Variants in COL19A1 observed in about 807,000 individuals in gnomAD.
COL19A1 encodes collagen alpha-1(XIX) chain.
Under a neutral mutation model 190.2 loss-of-function variants are expected in COL19A1, and 159 were observed. That is an observed-to-expected ratio of 0.84 (90% CI 0.73 to 0.95). The LOEUF (loss-of-function observed/expected upper bound fraction) is 0.95, where lower values mean the gene tolerates loss of function less well. Ranked by LOEUF, COL19A1 falls within the 40% of genes least tolerant of loss-of-function variation. COL19A1 has a pLI of 0.00. For synonymous variants in COL19A1, 509 were observed against 458.9 expected (o/e 1.11, Z -1.39); for missense variants, 1,418 against 1,431.9 (o/e 0.99, Z 0.16).
At chr6:70,091,916 G>A (rs1782952617) in intron 15 of COL19A1, among the ~76,000 whole-genome samples, 1 of 152,128 alleles carries the variant, frequency 6.6e-6, no homozygotes. Context: ...AGCTTCAGGT[G>A]ACATTGGATG....
At chr6:69,900,198 C>T in intron 3 of COL19A1, 41 bp from the exon 4 acceptor site, 1 of 1,267,400 alleles carries the variant, frequency 7.9e-7, no homozygotes, top group East Asian at 2.5e-5. Flanking sequence ...ATTAACATTT[C>T]TATTAGTTTA....
At chr6:69,882,185 C>T (rs1031142043) in intron 2 of COL19A1, among the ~76,000 whole-genome samples, 1 of 152,074 alleles carries the variant, frequency 6.6e-6, no homozygotes, top group African/African-American at 2.4e-5. Flanking sequence ...TAAATAGTTA[C>T]CTGGAATTGT....
chr6:70,115,701 C>G (rs1246771409), intron 16 of COL19A1, among the ~76,000 whole-genome samples: 1 of 151,806 alleles, frequency 6.6e-6, no homozygotes, highest in Non-Finnish European at 1.5e-5. Context: ...CTTGAGGTCT[C>G]TATATTGAAA....
intron 39 of COL19A1, 109 bp downstream of exon 39, chr6:70,168,324 C>A: frequency 9.3e-7 from 1 of 1,070,376 alleles, no homozygotes; most frequent in Non-Finnish European, 1.4e-6. Context: ...ATGAATACAG[C>A]CAAATTTTAC....
intron 19 of COL19A1, among the ~76,000 whole-genome samples, chr6:70,139,539 G>A (rs548617919): frequency 8.6e-5 from 13 of 151,942 alleles, no homozygotes; most frequent in Admixed American, 5.2e-4. Flanking sequence ...TTAAAACAAC[G>A]CAAATTTTAC....
Position 70,212,053 on chromosome 6 carries a change from G to A in COL19A1, c.*4779G>A, listed in dbSNP as rs1768237349. ...AAATGAGGGGGTAAATAAGATTTAA[G>A]TTTATCAGAAGTGTGTGTATTGTGT... On this transcript the variant is annotated 3_prime_UTR_variant, in exon 51 of 51. Coordinates refer to ENST00000620364, the MANE Select transcript of COL19A1 (RefSeq NM_001858.6). Among the ~76,000 whole-genome samples the A allele has an allele frequency of 6.6e-6, 1 of 152,106 alleles. No individual in the cohort carries two copies. The highest frequency in any genetic ancestry group is 2.4e-5 in the African/African-American group (1 of 41,442).
rs149617748 is a variant in COL19A1 at position 69,896,098 on chromosome 6, T to A, written c.92-2850T>A. On this transcript the variant is annotated intron_variant, in intron 2 of 50. Coordinates refer to ENST00000620364, the MANE Select transcript of COL19A1 (RefSeq NM_001858.6). ...ATTCTCATAAGCAATGTAGAAGAGG[T>A]TTTGTTGCTCCACATCCTCATCAAC... 2.4e-3 allele frequency among the ~76,000 whole-genome samples: 368 copies of A among 151,338 alleles called. 3 individuals carry two copies. The highest frequency in any genetic ancestry group is 8.6e-3 in the African/African-American group (353 of 41,166).
At chr6:69,959,940 G>C in intron 9 of COL19A1, 56 bp from the exon 10 acceptor site, 1 of 1,535,262 alleles carries the variant, frequency 6.5e-7, no homozygotes, top group South Asian at 1.2e-5. Context: ...CCACAAAAAC[G>C]TCTATGTTCA....
intron 34 of COL19A1, among the ~76,000 whole-genome samples, chr6:70,158,439 T>C (rs1291428000): frequency 6.6e-6 from 1 of 152,060 alleles, no homozygotes; most frequent in Non-Finnish European, 1.5e-5. Context: ...GGACACCCCA[T>C]CTCTTTGAGA....
intron 49 of COL19A1, among the ~76,000 whole-genome samples, chr6:70,204,676 ATTCTTCAT>A (rs1452064248): frequency 6.6e-6 from 1 of 152,202 alleles, no homozygotes; most frequent in Non-Finnish European, 1.5e-5. Context: ...TAGCCAATAT[ATTCTTCAT>A]TTGGAATTGC....
intron 14 of COL19A1, among the ~76,000 whole-genome samples, chr6:70,045,547 G>T (rs1246692696): frequency 6.6e-6 from 1 of 152,084 alleles, no homozygotes; most frequent in African/African-American, 2.4e-5. Flanking sequence ...AGTTAAATTG[G>T]CTTGACTCGC....
intron 11 of COL19A1, among the ~76,000 whole-genome samples, chr6:70,022,170 T>G (rs2150104266): frequency 6.6e-6 from 1 of 151,994 alleles, no homozygotes; most frequent in East Asian, 1.9e-4. Flanking sequence ...GTAGGAAAAA[T>G]GAAGGAAGAA....
chr6:69,934,690 A>G (rs1400427644), intron 7 of COL19A1, among the ~76,000 whole-genome samples: 1 of 152,016 alleles, frequency 6.6e-6, no homozygotes, highest in Non-Finnish European at 1.5e-5. Context: ...AACACAAGGT[A>G]GGAATTTATC....
At chr6:70,148,201 C>T (rs566815118) in intron 27 of COL19A1, among the ~76,000 whole-genome samples, 13 of 151,860 alleles carry the variant, frequency 8.6e-5, no homozygotes, top group South Asian at 2.1e-4. Flanking sequence ...TCAGAGAACG[C>T]GGGGTGGGCT....
chr6:70,211,433 C>T lies in COL19A1; in HGVS notation c.*4159C>T, dbSNP rs866078671. Among the ~76,000 whole-genome samples, 1 of 151,612 alleles carries T rather than the reference C, an allele frequency of 6.6e-6. No homozygotes were observed. The highest frequency in any genetic ancestry group is 1.9e-4 in the East Asian group (1 of 5,190). ...AGTGTTTACTGTCGCAGTTTCCCAG[C>T]GTTATTTCTTAATACTTGAGTGTTG... On this transcript the variant is annotated 3_prime_UTR_variant, in exon 51 of 51. Coordinates refer to ENST00000620364, the MANE Select transcript of COL19A1 (RefSeq NM_001858.6).
At chr6:70,142,744 G>T (rs1244571979) in intron 22 of COL19A1, 23 bp from the exon 23 acceptor site, 4 of 1,600,114 alleles carry the variant, frequency 2.5e-6, no homozygotes, top group African/African-American at 1.4e-5. Flanking sequence ...CAAAGCTAAA[G>T]TATATACCAC....
At chr6:70,055,210 A>G (rs981658750) in intron 14 of COL19A1, among the ~76,000 whole-genome samples, 1 of 152,196 alleles carries the variant, frequency 6.6e-6, no homozygotes, top group East Asian at 1.9e-4. Context: ...GTGGTCAAAA[A>G]GTTTGATAGT....
At chr6:70,123,855 A>T (rs935689305) in intron 17 of COL19A1, among the ~76,000 whole-genome samples, 3 of 150,514 alleles carry the variant, frequency 2.0e-5, no homozygotes, top group African/African-American at 7.4e-5. Flanking sequence ...AGATACACCT[A>T]ATGCTAGATG....
At chr6:70,160,775 A>C (rs1237646594) in intron 34 of COL19A1, among the ~76,000 whole-genome samples, 1 of 152,182 alleles carries the variant, frequency 6.6e-6, no homozygotes, top group African/African-American at 2.4e-5. Flanking sequence ...ATTTGTCGTG[A>C]TAAAATAATA....
Sources: gnomAD v4.1 joint callset for allele counts (sites outside exome capture counted in the v4.1 genomes callset) on GRCh38, gnomAD v4.1.1 for gene constraint, MANE v1.5 for transcripts, NCBI Gene and HGNC (gene_info 2026-07-23, HGNC 2026-07-21) for gene names.